Variants in SPSB1 observed in about 807,000 individuals in gnomAD.
The protein encoded by SPSB1 is SPRY domain-containing SOCS box protein 1.
SPSB1 carries 8 observed loss-of-function variants against 21.2 expected under a neutral mutation model. The observed-to-expected ratio is 0.38, with a 90% confidence interval of 0.22 to 0.68. The LOEUF is 0.68. Ranked by LOEUF, SPSB1 falls within the 30% of genes least tolerant of loss-of-function variation. The pLI, the probability that SPSB1 is intolerant of heterozygous loss-of-function variation, is 0.53. For synonymous variants in SPSB1, 169 were observed against 161.7 expected, an observed-to-expected ratio of 1.05 and a Z score of -0.34; for missense variants, 242 against 377.8, an observed-to-expected ratio of 0.64 and a Z score of 2.98.
At chr1:9,359,329 C>T (rs1392966323) in intron 2 of SPSB1, among the ~76,000 whole-genome samples, 6 of 152,308 alleles carry the variant, frequency 3.9e-5, no homozygotes, top group Middle Eastern at 3.4e-3. Flanking sequence ...GGGTGAGGCG[C>T]GGGTGTTAGC....
chr1:9,317,563 C>T lies in SPSB1; in HGVS notation c.-150+24492C>T, dbSNP rs892266302. Among the ~76,000 whole-genome samples, 3 of 152,196 alleles carry T rather than the reference C, an allele frequency of 2.0e-5. No individual in the cohort carries two copies. The highest frequency in any genetic ancestry group is 7.2e-5 in the African/African-American group (3 of 41,434). On this transcript the variant is annotated intron_variant, in intron 1 of 2. Coordinates refer to ENST00000328089, the MANE Select transcript of SPSB1 (RefSeq NM_025106.4). The surrounding 1 kb of genome is among the most constrained non-coding windows in gnomAD (Gnocchi z 4.3). ...AAAGCTCACTGCGGCTTCTGCCTCCCAGGCTCGGGGATCCTCACACCTCAG... is the reference window on the plus strand; with the variant it reads ...AAAGCTCACTGCGGCTTCTGCCTCCTAGGCTCGGGGATCCTCACACCTCAG...
intron 1 of SPSB1, among the ~76,000 whole-genome samples, chr1:9,334,237 C>A (rs1241907178): frequency 6.6e-6 from 1 of 152,092 alleles, no homozygotes; most frequent in Non-Finnish European, 1.5e-5. Flanking sequence ...AGGCGCCCAC[C>A]ACGACACCTG....
chr1:9,339,237 C>A, intron 1 of SPSB1: 2 of 985,392 alleles, frequency 2.0e-6, no homozygotes, highest in South Asian at 9.4e-5. Flanking sequence ...AGGCACTTGC[C>A]TAGAATATTC....
Position 9,293,783 on chromosome 1 carries a change from C to T in SPSB1, c.-150+712C>T, listed in dbSNP as rs114123705. 5.5e-3 allele frequency among the ~76,000 whole-genome samples: 844 copies of T among 152,182 alleles called. 8 individuals are homozygous for T. The highest frequency in any genetic ancestry group is 0.019 in the African/African-American group (807 of 41,540). ...ACTGGGCTCGGTGGCGTCCAGGTTCCGGTGAGGACGGGACGGCCCCGAGAG... is the reference window on the plus strand; with the variant it reads ...ACTGGGCTCGGTGGCGTCCAGGTTCTGGTGAGGACGGGACGGCCCCGAGAG... On this transcript the variant is annotated intron_variant, in intron 1 of 2. Coordinates refer to ENST00000328089, the MANE Select transcript of SPSB1 (RefSeq NM_025106.4). This position sits in a 1 kb window ranked among gnomAD's most constrained non-coding sequence, Gnocchi z 5.1.
chr1:9,301,891 T>C (rs555916817), intron 1 of SPSB1, among the ~76,000 whole-genome samples: 1 of 152,304 alleles, frequency 6.6e-6, no homozygotes, highest in African/African-American at 2.4e-5. Flanking sequence ...AGGGGCAGCG[T>C]TTTGTCCTTA....
intron 2 of SPSB1, among the ~76,000 whole-genome samples, chr1:9,362,272 G>A (rs1015230178): frequency 1.3e-5 from 2 of 150,288 alleles, no homozygotes; most frequent in Non-Finnish European, 3.0e-5. Flanking sequence ...CTGGTCATAT[G>A]AGGACCGCAG....
At chr1:9,350,326 G>A (rs1049322327) in intron 1 of SPSB1, among the ~76,000 whole-genome samples, 3 of 152,242 alleles carry the variant, frequency 2.0e-5, no homozygotes, top group African/African-American at 7.2e-5. Context: ...TGGGGCAGGA[G>A]GGGTACAGGC....
At position 9,295,197 on chromosome 1, in the gene SPSB1, TGTGTGTGTGTGAGAGTGTGA is replaced by T. The variant is rs774399810; in HGVS notation, c.-150+2138_-150+2157del. Reference sequence around the variant, plus strand: ...CACTTTACCCAGTAGATGGAGTGTGTGTGTGTGTGTGAGAGTGTGAGTGTGTGTGTGTGTGTGTGTGTGTG... The same window carrying T: ...CACTTTACCCAGTAGATGGAGTGTGTGTGTGTGTGTGTGTGTGTGTGTGTG... On this transcript the variant is annotated intron_variant, in intron 1 of 2. Transcript: ENST00000328089. Among the ~76,000 whole-genome samples, 815 of 134,222 alleles carry T rather than the reference TGTGTGTGTGTGAGAGTGTGA, an allele frequency of 6.1e-3. 4 individuals are homozygous for T. The highest frequency in any genetic ancestry group is 6.9e-3 in the Non-Finnish European group (416 of 60,580). The allele number at this position is 134,222 out of a possible 152,430, so 88.1% of individuals were successfully genotyped here. A position where few individuals can be genotyped will look rare whatever the true frequency, so the allele number is the denominator to read the frequency against.
At chr1:9,336,694 G>A (rs984167522) in intron 1 of SPSB1, among the ~76,000 whole-genome samples, 3 of 152,208 alleles carry the variant, frequency 2.0e-5, no homozygotes, top group South Asian at 2.1e-4. Context: ...ACTCCTGGCC[G>A]GCTCGGGCAG....
chr1:9,359,852 G>GGGC (rs1640440265), intron 2 of SPSB1, among the ~76,000 whole-genome samples: 1 of 151,218 alleles, frequency 6.6e-6, no homozygotes, highest in South Asian at 2.2e-4. Flanking sequence ...GAAGCCGGGG[G>GGGC]GGTGGGTGGC....
intron 1 of SPSB1, among the ~76,000 whole-genome samples, chr1:9,343,668 T>C (rs1640125302): frequency 6.6e-6 from 1 of 152,232 alleles, no homozygotes; most frequent in Non-Finnish European, 1.5e-5. Context: ...AGTATGCCGA[T>C]ACAGTTTTTT....
intron 1 of SPSB1, among the ~76,000 whole-genome samples, chr1:9,325,643 C>G (rs1215995983): frequency 6.6e-6 from 1 of 152,198 alleles, no homozygotes; most frequent in Non-Finnish European, 1.5e-5. Flanking sequence ...ACAGTGTGAA[C>G]AAGACTGAGT....
Position 9,356,576 on chromosome 1 carries a change from G to T in SPSB1, c.685G>T (p.Gly229Ter), listed in dbSNP as rs1408675567. Residue 229 changes from glycine (G) to a stop codon, truncating the protein, a stop_gained, in exon 2 of 3, where the codon GGA (glycine) becomes TGA (stop). Coordinates refer to ENST00000328089, the MANE Select transcript of SPSB1 (RefSeq NM_025106.4). LOFTEE classifies it high-confidence loss of function. This position sits in a 1 kb window ranked among gnomAD's most constrained non-coding sequence, Gnocchi z 7.4. The stretch of plus-strand genomic sequence containing the variant: ...TGAGATCCGAATGCGCTACTTGAAC[G>T]GACTCGATCGTAAGTGTCTCCTCTG... ...HCEIRMRYLN[G>*]LDPEPLPLMD... 1 of 1,588,030 alleles carries T rather than the reference G, an allele frequency of 6.3e-7. No homozygotes were observed. The highest frequency in any genetic ancestry group is 1.7e-5 in the Admixed American group (1 of 59,024).
chr1:9,329,926 C>G (rs1159026791), intron 1 of SPSB1, among the ~76,000 whole-genome samples: 2 of 152,046 alleles, frequency 1.3e-5, no homozygotes, highest in African/African-American at 4.8e-5. Flanking sequence ...GGGACTGATT[C>G]CTAGAGTCCA....
chr1:9,297,942 C>T (rs917898640), intron 1 of SPSB1, among the ~76,000 whole-genome samples: 7 of 152,176 alleles, frequency 4.6e-5, no homozygotes, highest in Non-Finnish European at 7.3e-5. Context: ...TGAAGAGCTC[C>T]GTGATCCAGC....
rs534376800 is a variant in SPSB1, at chr1:9,369,217, G to C, written c.*1642G>C. 6.9e-6 allele frequency: 1 copy of C among 145,106 alleles called. No individual in the cohort carries two copies. Among genetic ancestry groups the C allele is most frequent in the African/African-American group, 2.5e-5 (1 of 39,798 alleles). 9.0% of individuals were successfully genotyped at this position (145,106 alleles called of 1,614,324 possible). ...TATTATTTTGACGGTTTTTTTTTTCGGGGCAGGGGACCTTACCTGTAAGAC... is the reference window on the plus strand; with the variant it reads ...TATTATTTTGACGGTTTTTTTTTTCCGGGCAGGGGACCTTACCTGTAAGAC... On this transcript the variant is annotated 3_prime_UTR_variant, in exon 3 of 3. Coordinates refer to ENST00000328089, the MANE Select transcript of SPSB1 (RefSeq NM_025106.4).
rs1048220088 is a variant in SPSB1 at position 9,367,056 on chromosome 1, A to C, written c.695-392A>C. Among the ~76,000 whole-genome samples the C allele has an allele frequency of 3.3e-5, 5 of 152,216 alleles. No individual in the cohort carries two copies. The highest frequency in any genetic ancestry group is 1.2e-4 in the African/African-American group (5 of 41,464). Reference sequence around the variant, plus strand: ...ACAGGCAGAGTCACCAGTGGGGAAGAGCAGGGATCGCCTGGGTTCGAATCC... The same window carrying C: ...ACAGGCAGAGTCACCAGTGGGGAAGCGCAGGGATCGCCTGGGTTCGAATCC... On this transcript the variant is annotated intron_variant, in intron 2 of 2. Coordinates refer to ENST00000328089, the MANE Select transcript of SPSB1 (RefSeq NM_025106.4). The surrounding 1 kb of genome is among the most constrained non-coding windows in gnomAD (Gnocchi z 5.9).
chr1:9,313,547 G>A (rs1218895600), intron 1 of SPSB1, among the ~76,000 whole-genome samples: 1 of 152,216 alleles, frequency 6.6e-6, no homozygotes, highest in African/African-American at 2.4e-5. Flanking sequence ...CACCTGATCT[G>A]GGGTGGGAGG....
At chr1:9,332,135 G>C (rs1639931676) in intron 1 of SPSB1, among the ~76,000 whole-genome samples, 2 of 151,524 alleles carry the variant, frequency 1.3e-5, no homozygotes, top group South Asian at 4.2e-4. Context: ...AGGATTGCTT[G>C]AGGCCAGAAG....
Sources: gnomAD v4.1 joint callset for allele counts (sites outside exome capture counted in the v4.1 genomes callset) on GRCh38, gnomAD v4.1.1 for gene constraint, Gnocchi (gnomAD v3.1) non-coding constraint, MANE v1.5 for transcripts, NCBI Gene and HGNC (gene_info 2026-07-23, HGNC 2026-07-21) for gene names.